ANKRD11: variants seen among roughly 807,000 people sequenced by gnomAD.
ANKRD11 encodes the protein ankyrin repeat domain 11.
Under a neutral mutation model 195.7 loss-of-function variants are expected in ANKRD11, and 17 were observed. The ratio of observed to expected loss-of-function variants is 0.09; its 90% CI spans 0.06 to 0.13. ANKRD11 has a LOEUF of 0.13. Among genes scored for constraint, ANKRD11 ranks in the 10% least tolerant of loss-of-function variants. The probability of loss-of-function intolerance (pLI) is 1.00; values close to 1 mark genes in which losing one functional copy is unlikely to be tolerated. For synonymous variants in ANKRD11, 1,953 were observed against 1,528.1 expected (o/e 1.28, Z -6.49); for missense variants, 3,735 against 3,566.1 (o/e 1.05, Z -1.21).
rs1437234736 is a variant in ANKRD11, at chr16:89,279,881, C to A, written c.6661G>T (p.Val2221Leu). 1.9e-6 allele frequency: 3 copies of A among 1,591,528 alleles called. No homozygotes were observed. Among genetic ancestry groups the A allele is most frequent in the African/African-American group, 1.3e-5 (1 of 74,646 alleles). Residue 2221 changes from valine to leucine, a missense_variant, in exon 9 of 13, where the codon GTG (valine) becomes TTG (leucine). Coordinates refer to ENST00000301030, the MANE Select transcript of ANKRD11 (RefSeq NM_013275.6). This position sits in a 1 kb window ranked among gnomAD's most constrained non-coding sequence, Gnocchi z 5.6. ...PKLDVALEAA[V>L]EAETVPEERA... ...TCTTCCGGCACCGTCTCCGCCTCCA[C>A]CGCAGCTTCTAGAGCCACGTCCAGC...
chr16:89,288,108 A>G (rs1252546948), intron 7 of ANKRD11: 4 of 585,074 alleles, frequency 6.8e-6, no homozygotes, highest in Non-Finnish European at 1.2e-5. Flanking sequence ...GCTTGAGTCT[A>G]TGGTTCTGTG....
Position 89,280,111 on chromosome 16 carries a change from T to C in ANKRD11, c.6431A>G (p.Gln2144Arg), listed in dbSNP as rs765205440. The C allele has an allele frequency of 4.7e-5, 75 of 1,612,792 alleles. No individual in the cohort carries two copies. The highest frequency in any genetic ancestry group is 6.3e-5 in the Non-Finnish European group (74 of 1,179,826). ...GPFSLPELPLQTKDAADGEAE... is the reference protein window; with the variant it reads ...GPFSLPELPLRTKDAADGEAE... ...TTCACCATCTGCGGCATCTTTAGTCTGCAGGGGAAGCTCCGGCAGGGAGAA... is the reference window on the plus strand; with the variant it reads ...TTCACCATCTGCGGCATCTTTAGTCCGCAGGGGAAGCTCCGGCAGGGAGAA... The change falls in exon 9 of 13, where the codon CAG becomes CGG. Residue 2144 changes from glutamine (Q) to arginine (R), a missense_variant. Physicochemically the swap from Gln to Arg is conservative, Grantham distance 43 (BLOSUM62 1). Transcript: ENST00000301030.
At chr16:89,446,367 G>T (rs1291560214) in intron 1 of ANKRD11, among the ~76,000 whole-genome samples, 2 of 152,178 alleles carry the variant, frequency 1.3e-5, no homozygotes, top group East Asian at 3.9e-4. Context: ...ACTTTGGGAG[G>T]CCCAGACAGG....
chr16:89,422,654 G>T (rs539072986), intron 1 of ANKRD11, among the ~76,000 whole-genome samples: 2 of 152,160 alleles, frequency 1.3e-5, no homozygotes, highest in East Asian at 1.9e-4. Context: ...TGCTCTCGAC[G>T]AACAGTCACA....
At chr16:89,408,272 G>A (rs2041987232) in intron 2 of ANKRD11, among the ~76,000 whole-genome samples, 1 of 152,246 alleles carries the variant, frequency 6.6e-6, no homozygotes, top group Non-Finnish European at 1.5e-5. Context: ...CTAGAGAAGT[G>A]GCAGCCCTTC....
Position 89,355,307 on chromosome 16 carries a change from C to T in ANKRD11, c.-59-38229G>A, listed in dbSNP as rs1035931818. 1.2e-4 allele frequency among the ~76,000 whole-genome samples: 18 copies of T among 151,922 alleles called. 1 individual carries two copies. The highest frequency in any genetic ancestry group is 3.9e-4 in the African/African-American group (16 of 41,336). ...CCCTGAGGCTCGGAAGGCGGGCGGA[C>T]GGCTCACACAGACCCACAAGGACCA... On this transcript the variant is annotated intron_variant, in intron 2 of 12. Transcript: ENST00000301030.
At chr16:89,457,586 G>GAAA (rs34361547) in intron 1 of ANKRD11, among the ~76,000 whole-genome samples, 3 of 125,902 alleles carry the variant, frequency 2.4e-5, no homozygotes, top group East Asian at 2.3e-4. Flanking sequence ...TCCGTCTCAA[G>GAAA]AAAAAAAAAA....
chr16:89,369,441 G>C (rs1487128584), intron 2 of ANKRD11, among the ~76,000 whole-genome samples: 2 of 152,154 alleles, frequency 1.3e-5, no homozygotes, highest in African/African-American at 4.8e-5. Context: ...GCGCCTCCAC[G>C]GCACCAAGCT....
chr16:89,364,349 A>C (rs933137017), intron 2 of ANKRD11, among the ~76,000 whole-genome samples: 4 of 152,218 alleles, frequency 2.6e-5, no homozygotes, highest in African/African-American at 9.6e-5. Flanking sequence ...GAACTCATAA[A>C]TCATTATTTT....
At chr16:89,367,752 G>A (rs1567707832) in intron 2 of ANKRD11, among the ~76,000 whole-genome samples, 1 of 152,178 alleles carries the variant, frequency 6.6e-6, no homozygotes, top group African/African-American at 2.4e-5. Flanking sequence ...ACCCCCAGCG[G>A]CTGCATGTCC....
chr16:89,413,422 G>A (rs980993423), intron 2 of ANKRD11, among the ~76,000 whole-genome samples: 2 of 152,098 alleles, frequency 1.3e-5, no homozygotes, highest in East Asian at 1.9e-4. Context: ...TCAGGAGACC[G>A]ACACCATCCT....
chr16:89,293,169 G>A (rs549098458), intron 4 of ANKRD11, among the ~76,000 whole-genome samples: 4 of 152,070 alleles, frequency 2.6e-5, no homozygotes, highest in African/African-American at 7.3e-5. Context: ...TGCTCCCTCC[G>A]TCACCCAGAG....
intron 2 of ANKRD11, among the ~76,000 whole-genome samples, chr16:89,381,114 G>C (rs1317570873): frequency 3.9e-5 from 6 of 152,140 alleles, no homozygotes; most frequent in Non-Finnish European, 7.4e-5. Context: ...TTTGAGATCA[G>C]GAGTTTGAGA....
chr16:89,289,372 G>A (rs554814874), intron 6 of ANKRD11, among the ~76,000 whole-genome samples: 3 of 152,228 alleles, frequency 2.0e-5, no homozygotes, highest in Non-Finnish European at 4.4e-5. Flanking sequence ...CTACACACAC[G>A]ATTTTGCTCA....
At chr16:89,387,061 T>C (rs898895996) in intron 2 of ANKRD11, among the ~76,000 whole-genome samples, 9 of 151,750 alleles carry the variant, frequency 5.9e-5, no homozygotes, top group Non-Finnish European at 1.2e-4. Context: ...TCCTGGAAGG[T>C]GCAGGAGCCA....
intron 2 of ANKRD11, 69 bp from the exon 3 acceptor site, chr16:89,317,147 C>T (rs766400670): frequency 1.5e-5 from 15 of 1,029,662 alleles, no homozygotes; most frequent in African/African-American, 3.2e-5. Context: ...TCTCACACCG[C>T]ACTCAACAGA....
Position 89,290,999 on chromosome 16 carries a change from C to T in ANKRD11, c.397+14G>A. The T allele has an allele frequency of 6.2e-7, 1 of 1,610,706 alleles. No individual in the cohort carries two copies. The highest frequency in any genetic ancestry group is 1.3e-5 in the African/African-American group (1 of 74,998). ...CCTTCCCTGCGCCAGGGACCACCCA[C>T]AGGCCGGGCTCACCTGGGCTGTTGG... On this transcript the variant is annotated intron_variant, in intron 5 of 12. Transcript: ENST00000301030.
At chr16:89,286,320 G>C in intron 7 of ANKRD11, 134 bp from the exon 8 acceptor site, 1 of 1,307,466 alleles carries the variant, frequency 7.6e-7, no homozygotes, top group South Asian at 1.2e-5. Context: ...CTGAGGGTGT[G>C]GGAGCCGAGC....
intron 2 of ANKRD11, among the ~76,000 whole-genome samples, chr16:89,390,298 C>T (rs929524703): frequency 3.4e-5 from 5 of 145,466 alleles, no homozygotes; most frequent in South Asian, 2.3e-4. Flanking sequence ...ATCACTGGGG[C>T]GAACACCGAG....
Sources: gnomAD v4.1 joint callset for allele counts (sites outside exome capture counted in the v4.1 genomes callset) on GRCh38, gnomAD v4.1.1 for gene constraint, Gnocchi (gnomAD v3.1) non-coding constraint, MANE v1.5 for transcripts, NCBI Gene and HGNC (gene_info 2026-07-23, HGNC 2026-07-21) for gene names.